PCDH9: variants seen among roughly 807,000 people sequenced by gnomAD.
PCDH9 encodes the protein protocadherin 9.
Under a neutral mutation model 70.6 loss-of-function variants are expected in PCDH9, and 24 were observed. That is an observed-to-expected ratio of 0.34 (90% CI 0.25 to 0.48). The LOEUF (loss-of-function observed/expected upper bound fraction) is 0.48, where lower values mean the gene tolerates loss of function less well. PCDH9 is among the 20% of genes least tolerant of loss of function. The probability of loss-of-function intolerance (pLI) is 0.99; values close to 1 mark genes in which losing one functional copy is unlikely to be tolerated. For missense variants in PCDH9, 1,281 were observed against 1,503.6 expected (o/e 0.85, Z 2.45); for synonymous variants, 562 against 558.5 (o/e 1.01, Z -0.09).
At position 66,489,743 on chromosome 13, in the gene PCDH9, A is replaced by G. The variant is rs572127691; in HGVS notation, c.3340+141467T>C. On this transcript the variant is annotated intron_variant, in intron 4 of 4. Coordinates refer to ENST00000377865, the MANE Select transcript of PCDH9 (RefSeq NM_203487.3). The stretch of plus-strand genomic sequence containing the variant: ...GTAGCATGATTTTCTTGTTCCCACA[A>G]AACACAAAATGAGTGAAGAAGCCTC... Among the ~76,000 whole-genome samples the G allele has an allele frequency of 3.9e-5, 6 of 152,332 alleles. No individual in the cohort carries two copies. The South Asian group carries it at 1.2e-3, about 32-fold the overall frequency.
Position 67,165,041 on chromosome 13 carries a change from A to C in PCDH9, c.3036+60364T>G, listed in dbSNP as rs1017900461. ...CATCCCCAGCATCTGAAACAGGGCC[A>C]CAAAAAAGTGTAGGTACTTGATAAA... is the stretch of plus-strand genomic sequence containing the variant. On this transcript the variant is annotated intron_variant, in intron 2 of 4. Coordinates refer to ENST00000377865, the MANE Select transcript of PCDH9 (RefSeq NM_203487.3). Among the ~76,000 whole-genome samples the C allele has an allele frequency of 2.0e-5, 3 of 152,312 alleles. No individual in the cohort carries two copies. In the East Asian group the frequency reaches 5.8e-4, roughly 29 times the overall value.
intron 3 of PCDH9, among the ~76,000 whole-genome samples, chr13:66,670,329 T>C (rs1268418828): frequency 2.0e-5 from 3 of 152,132 alleles, no homozygotes; most frequent in Non-Finnish European, 4.4e-5. Flanking sequence ...GTAACCCTAA[T>C]AGAATGTCAG....
intron 3 of PCDH9, among the ~76,000 whole-genome samples, chr13:66,872,403 A>G (rs1039134549): frequency 1.7e-4 from 26 of 152,106 alleles, no homozygotes; most frequent in African/African-American, 5.8e-4. Context: ...TAATTTTACC[A>G]TATCTGGCTG....
Position 67,006,019 on chromosome 13 carries a change from G to A in PCDH9, c.3037-102414C>T, listed in dbSNP as rs879914488. Among the ~76,000 whole-genome samples the A allele has an allele frequency of 1.1e-3, 168 of 152,306 alleles. 4 individuals are homozygous for A. The highest frequency in any genetic ancestry group is 5.4e-4 in the Non-Finnish European group (37 of 68,030). On this transcript the variant is annotated intron_variant, in intron 2 of 4. Transcript: ENST00000377865. ...AGGCGGGCAGATCACGAGGTCAGGA[G>A]ACTGAGACCATCCTGGCTAACACGG...
At chr13:66,342,289 T>C (rs1006563669) in intron 4 of PCDH9, among the ~76,000 whole-genome samples, 3 of 152,204 alleles carry the variant, frequency 2.0e-5, no homozygotes, top group Admixed American at 6.5e-5. Context: ...ATTTCATTTT[T>C]AAACATACTC....
At chr13:66,396,236 T>A (rs1371540452) in intron 4 of PCDH9, among the ~76,000 whole-genome samples, 4 of 152,166 alleles carry the variant, frequency 2.6e-5, no homozygotes, top group African/African-American at 4.8e-5. Flanking sequence ...TAGGAGGGCA[T>A]TTGGGGAAGA....
At chr13:66,850,897 A>T (rs949269676) in intron 3 of PCDH9, among the ~76,000 whole-genome samples, 1 of 152,234 alleles carries the variant, frequency 6.6e-6, no homozygotes, top group Non-Finnish European at 1.5e-5. Context: ...CTCAAGTTAT[A>T]TCACAGTGTT....
chr13:67,145,926 T>G (rs2087512106), intron 2 of PCDH9, among the ~76,000 whole-genome samples: 1 of 152,114 alleles, frequency 6.6e-6, no homozygotes, highest in Non-Finnish European at 1.5e-5. Context: ...TAACACTTGC[T>G]TTTGAAAGAT....
chr13:66,811,222 T>C (rs2053497), intron 3 of PCDH9, among the ~76,000 whole-genome samples: 92,186 of 151,948 alleles, frequency 0.61, 28,124 homozygotes, highest in East Asian at 0.66. Context: ...TCTTGAGTCT[T>C]GTATTGACCA....
chr13:66,498,042 AC>A (rs1186294852), intron 4 of PCDH9, among the ~76,000 whole-genome samples: 6 of 150,574 alleles, frequency 4.0e-5, no homozygotes, highest in Non-Finnish European at 7.4e-5. Context: ...CTGGTCTGGA[AC>A]TCCTGACCTC....
At chr13:66,624,479 T>A (rs1369469392) in intron 4 of PCDH9, among the ~76,000 whole-genome samples, 2 of 152,220 alleles carry the variant, frequency 1.3e-5, no homozygotes, top group Non-Finnish European at 2.9e-5. Flanking sequence ...TTGGATATAC[T>A]TAGAACACAG....
chr13:66,385,803 C>T (rs553098160), intron 4 of PCDH9, among the ~76,000 whole-genome samples: 73 of 152,196 alleles, frequency 4.8e-4, no homozygotes, highest in African/African-American at 1.5e-3. Context: ...ACAGCGATTT[C>T]AAATATTGCC....
chr13:66,791,269 T>C (rs571164778), intron 3 of PCDH9, among the ~76,000 whole-genome samples: 2 of 152,242 alleles, frequency 1.3e-5, no homozygotes, highest in Admixed American at 1.3e-4. Flanking sequence ...GTTTGACAAT[T>C]ATTAGATATT....
chr13:67,042,660 T>C (rs2139911168), intron 2 of PCDH9, among the ~76,000 whole-genome samples: 2 of 152,346 alleles, frequency 1.3e-5, no homozygotes, highest in East Asian at 3.9e-4. Context: ...TCTTTCTTAC[T>C]ATTCATTCAA....
chr13:66,638,988 A>G (rs1297182688), intron 3 of PCDH9, among the ~76,000 whole-genome samples: 14 of 152,220 alleles, frequency 9.2e-5, no homozygotes, highest in Admixed American at 9.2e-4. Context: ...AAAAATAAGC[A>G]ACAACTTCAC....
At chr13:66,400,000 A>G (rs1376269618) in intron 4 of PCDH9, among the ~76,000 whole-genome samples, 1 of 152,184 alleles carries the variant, frequency 6.6e-6, no homozygotes, top group Admixed American at 6.5e-5. Flanking sequence ...AGGCTTCATG[A>G]AGCAAAGCTA....
At chr13:66,626,611 T>C (rs1002121142) in intron 4 of PCDH9, among the ~76,000 whole-genome samples, 5 of 152,308 alleles carry the variant, frequency 3.3e-5, no homozygotes, top group Non-Finnish European at 5.9e-5. Context: ...CCGAAGTTTC[T>C]GTCATACCAA....
Position 66,794,901 on chromosome 13 carries a change from C to A in PCDH9, c.3138+108603G>T, listed in dbSNP as rs556109866. Among the ~76,000 whole-genome samples the A allele has an allele frequency of 4.0e-5, 6 of 151,274 alleles. No individual in the cohort carries two copies. In the South Asian group the frequency reaches 1.3e-3, roughly 32 times the overall value. ...ATAAATAAAGTTAAAGTGAATGAAT[C>A]CTAATTAGATTTCAGTTCTGGTGTC... On this transcript the variant is annotated intron_variant, in intron 3 of 4. Coordinates refer to ENST00000377865, the MANE Select transcript of PCDH9 (RefSeq NM_203487.3).
At chr13:66,788,648 ATTTTTTTTTTT>A (rs58386697) in intron 3 of PCDH9, among the ~76,000 whole-genome samples, 3 of 81,886 alleles carry the variant, frequency 3.7e-5, no homozygotes, top group Admixed American at 1.5e-4. Flanking sequence ...CTAAACAGTA[ATTTTTTTTTTT>A]TTTTTTTTTT....
Sources: gnomAD v4.1 joint callset for allele counts (sites outside exome capture counted in the v4.1 genomes callset) on GRCh38, gnomAD v4.1.1 for gene constraint, MANE v1.5 for transcripts, NCBI Gene and HGNC (gene_info 2026-07-23, HGNC 2026-07-21) for gene names.